PLS3: variants seen among roughly 807,000 people sequenced by gnomAD.
The protein encoded by PLS3 is plastin-3.
In PLS3, 11 loss-of-function variants were observed where a neutral mutation model predicts 46.5. The observed-to-expected ratio is 0.24, with a 90% confidence interval of 0.15 to 0.39. The LOEUF is 0.39. Among genes scored for constraint, PLS3 ranks in the 10% least tolerant of loss-of-function variants. The pLI is 1.00. For synonymous variants in PLS3, 167 were observed against 162.2 expected (o/e 1.03, Z -0.22); for missense variants, 308 against 461.8 (o/e 0.67, Z 3.05).
At chrX:115,577,160 T>G (rs1556631303) in intron 1 of PLS3, among the ~76,000 whole-genome samples, 2 of 112,220 alleles carry the variant, frequency 1.8e-5, no homozygotes, top group African/African-American at 6.5e-5. Flanking sequence ...TTAATTTCTT[T>G]CAGAGATTAA....
intron 3 of PLS3, among the ~76,000 whole-genome samples, chrX:115,628,378 A>G (rs782151792): frequency 1.8e-5 from 2 of 112,578 alleles, no homozygotes; most frequent in African/African-American, 3.2e-5. Flanking sequence ...AACGCCATTT[A>G]AAGAAAGTTG....
intron 1 of PLS3, among the ~76,000 whole-genome samples, chrX:115,582,067 C>CT (rs1403028661): frequency 2.7e-5 from 3 of 112,208 alleles, no homozygotes; most frequent in Non-Finnish European, 3.8e-5. Context: ...ATCCAGATTT[C>CT]TTTCTTCACA....
intron 1 of PLS3, among the ~76,000 whole-genome samples, chrX:115,567,971 G>T (rs1262576995): frequency 9.0e-6 from 1 of 111,514 alleles, no homozygotes; most frequent in African/African-American, 3.3e-5. Context: ...CACATTATAA[G>T]CTCTAATTAC....
intron 1 of PLS3, among the ~76,000 whole-genome samples, chrX:115,580,341 T>C (rs1219948745): frequency 5.3e-5 from 6 of 112,744 alleles, no homozygotes; most frequent in African/African-American, 1.9e-4. Context: ...CATTTAGGTC[T>C]GTGATCTGTT....
rs1556641287 is a variant in PLS3, at chrX:115,643,477, G to T, written c.1152G>T (p.Glu384Asp). The T allele has an allele frequency of 8.4e-7, 1 of 1,196,222 alleles. No homozygotes were observed. Among genetic ancestry groups the T allele is most frequent in the Non-Finnish European group, 1.1e-6 (1 of 881,687 alleles). ...AATACCCAGCACTAACTAAGCCAGA[G>T]AACCAGGATATTGACTGGACTCTAT... is the stretch of plus-strand genomic sequence containing the variant. ...FNKYPALTKP[E>D]NQDIDWTLLE... is the part of the protein sequence containing the mutation. Residue 384 changes from glutamate (E) to aspartate (D), a missense_variant, in exon 10 of 16, where the codon GAG becomes GAT. Glu to Asp is a conservative substitution (Grantham distance 45, BLOSUM62 2). Around this residue, in one of 2 missense-constraint regions of PLS3, gnomAD observed 271 missense variants for 435.7 expected, o/e 0.62. Transcript: ENST00000355899.
intron 1 of PLS3, among the ~76,000 whole-genome samples, chrX:115,574,657 G>T (rs782137470): frequency 9.1e-6 from 1 of 110,128 alleles, no homozygotes; most frequent in Non-Finnish European, 1.9e-5. Context: ...TCGGCTCACC[G>T]TAACCTCCGC....
chrX:115,644,931 A>T, intron 10 of PLS3, 90 bp from the exon 11 acceptor site: 1 of 581,606 alleles, frequency 1.7e-6, no homozygotes, highest in Non-Finnish European at 2.9e-6. Flanking sequence ...CTGAATAGAG[A>T]GATAAAATAA....
intron 2 of PLS3, chrX:115,610,928 A>AC: frequency 3.3e-6 from 3 of 914,216 alleles, no homozygotes; most frequent in Non-Finnish European, 4.6e-6. Flanking sequence ...GAAGGTAAAT[A>AC]TGGAGTATTT....
intron 2 of PLS3, among the ~76,000 whole-genome samples, chrX:115,611,859 G>A (rs782277936): frequency 8.9e-6 from 1 of 111,804 alleles, no homozygotes; most frequent in African/African-American, 3.2e-5. Context: ...GAGTTAAATT[G>A]TATTAAGTAA....
chrX:115,566,659 G>T (rs929907963), intron 1 of PLS3, among the ~76,000 whole-genome samples: 1 of 107,478 alleles, frequency 9.3e-6, no homozygotes, highest in Non-Finnish European at 1.9e-5. Context: ...TTACAGGCGT[G>T]AGCCACCGCG....
intron 1 of PLS3, among the ~76,000 whole-genome samples, chrX:115,592,433 C>G (rs966188089): frequency 1.2e-4 from 13 of 111,594 alleles, no homozygotes; most frequent in Non-Finnish European, 1.7e-4. Context: ...TGTTCAGGGT[C>G]ACACAGACTT....
chrX:115,605,921 T>C (rs1299105220), intron 1 of PLS3, among the ~76,000 whole-genome samples: 2 of 110,823 alleles, frequency 1.8e-5, no homozygotes, highest in Admixed American at 9.7e-5. Flanking sequence ...ATTATTCATG[T>C]TTGCTTCGCA....
chrX:115,607,454 G>C (rs912697200), intron 1 of PLS3, among the ~76,000 whole-genome samples: 6 of 109,975 alleles, frequency 5.5e-5, no homozygotes, highest in African/African-American at 1.7e-4. Context: ...TTATGAATAG[G>C]CCAGCTTTGT....
intron 1 of PLS3, among the ~76,000 whole-genome samples, chrX:115,604,337 C>G: frequency 8.9e-6 from 1 of 112,014 alleles, no homozygotes; most frequent in African/African-American, 3.2e-5. Context: ...TTCATTTATT[C>G]CCTATTTTCT....
chrX:115,578,971 A>G lies in PLS3; in HGVS notation c.-9+17711A>G, dbSNP rs896587887. On this transcript the variant is annotated intron_variant, in intron 1 of 15. Coordinates refer to ENST00000355899, the MANE Select transcript of PLS3 (RefSeq NM_005032.7). ...ACCATAGTACAATAGCAAAACCACA[A>G]TGTTGACACTGATACAGACAAGAGG... 8.1e-5 allele frequency among the ~76,000 whole-genome samples: 9 copies of G among 111,024 alleles called. No homozygotes were observed. The East Asian group carries it at 8.5e-4, about 11-fold the overall frequency.
chrX:115,577,703 C>T (rs1556631366), intron 1 of PLS3, among the ~76,000 whole-genome samples: 2 of 111,021 alleles, frequency 1.8e-5, no homozygotes, highest in Admixed American at 1.9e-4. Context: ...ATCTGGAACT[C>T]CTGACCTAAA....
At chrX:115,636,342 G>T (rs2074835799) in intron 7 of PLS3, among the ~76,000 whole-genome samples, 1 of 109,231 alleles carries the variant, frequency 9.2e-6, no homozygotes, top group African/African-American at 3.3e-5. Context: ...AAGTAGCTGG[G>T]ACTACAGGCG....
At chrX:115,578,851 G>C (rs2074264650) in intron 1 of PLS3, among the ~76,000 whole-genome samples, 1 of 110,393 alleles carries the variant, frequency 9.1e-6, no homozygotes, top group African/African-American at 3.3e-5. Context: ...TTTTTATTTT[G>C]AGATAATTGT....
intron 1 of PLS3, among the ~76,000 whole-genome samples, chrX:115,581,280 G>C (rs192559915): frequency 1.1e-3 from 120 of 111,528 alleles, no homozygotes; most frequent in African/African-American, 3.5e-3. Flanking sequence ...TCCCCATATA[G>C]CAAAATGGAA....
Sources: gnomAD v4.1 joint callset for allele counts (sites outside exome capture counted in the v4.1 genomes callset) on GRCh38, gnomAD v4.1.1 for gene constraint, gnomAD v4.1.1 regional missense constraint, MANE v1.5 for transcripts, NCBI Gene and HGNC (gene_info 2026-07-23, HGNC 2026-07-21) for gene names.